PLK4: variants seen among roughly 807,000 people sequenced by gnomAD.
The protein encoded by PLK4 is serine/threonine-protein kinase PLK4.
Under a neutral mutation model 103.0 loss-of-function variants are expected in PLK4, and 51 were observed. The ratio of observed to expected loss-of-function variants is 0.50; its 90% CI spans 0.40 to 0.63. The LOEUF (loss-of-function observed/expected upper bound fraction) is 0.63, where lower values mean the gene tolerates loss of function less well. PLK4 is among the 20% of genes least tolerant of loss of function. The pLI, the probability that PLK4 is intolerant of heterozygous loss-of-function variation, is 0.00. For missense variants in PLK4, 1,054 were observed against 1,151.0 expected (o/e 0.92, Z 1.22); for synonymous variants, 389 against 376.8 (o/e 1.03, Z -0.38).
chr4:127,891,432 C>T, intron 8 of PLK4, 147 bp from the exon 9 acceptor site: 1 of 443,788 alleles, frequency 2.3e-6, no homozygotes. Context: ...AGTTAAAAAG[C>T]AAAAAAATTA....
intron 2 of PLK4, 44 bp from the exon 3 acceptor site, chr4:127,883,218 T>C: frequency 1.0e-6 from 1 of 987,558 alleles, no homozygotes; most frequent in South Asian, 1.4e-5. Context: ...TTTTAAGCAG[T>C]TTATATTTGA....
rs1735141327 is a variant in PLK4 at position 127,886,558 on chromosome 4, G to A, written c.1188G>A (p.Met396Ile). 6.2e-7 allele frequency: 1 copy of A among 1,613,904 alleles called. No individual in the cohort carries two copies. Among genetic ancestry groups the A allele is most frequent in the Non-Finnish European group, 8.5e-7 (1 of 1,179,982 alleles). ...NSQSQAKTYT[M>I]ERCHSAEMLS... ...AGTCTCAAGCAAAAACATATACAAT[G>A]GAACGATGTCACTCAGCAGAAATGC... Residue 396 changes from methionine to isoleucine, a missense_variant, in exon 5 of 16, where the codon ATG becomes ATA. Transcript: ENST00000270861.
intron 8 of PLK4, 69 bp from the exon 9 acceptor site, chr4:127,891,510 C>T (rs938195256): frequency 7.9e-5 from 45 of 568,538 alleles, no homozygotes; most frequent in Non-Finnish European, 1.3e-4. Flanking sequence ...ACTTTGTATA[C>T]GTTTTAGCAA....
At chr4:127,893,669 A>G in intron 12 of PLK4, 65 bp downstream of exon 12, 1 of 1,586,230 alleles carries the variant, frequency 6.3e-7, no homozygotes, top group Non-Finnish European at 8.6e-7. Context: ...TTATATTATA[A>G]ACATTCTTTA....
intron 13 of PLK4, 94 bp from the exon 14 acceptor site, chr4:127,894,859 A>C (rs948860228): frequency 2.6e-6 from 2 of 770,588 alleles, no homozygotes; most frequent in Non-Finnish European, 3.8e-6. Flanking sequence ...AAAAAAATTA[A>C]GCTAATGAAA....
At chr4:127,897,280 T>C (rs1015102173) in intron 15 of PLK4, among the ~76,000 whole-genome samples, 3 of 152,228 alleles carry the variant, frequency 2.0e-5, no homozygotes, top group Non-Finnish European at 4.4e-5. Flanking sequence ...TATAACCTGC[T>C]TATTTTTCCC....
chr4:127,894,290 G>A (rs964374179), intron 13 of PLK4, among the ~76,000 whole-genome samples: 2 of 151,878 alleles, frequency 1.3e-5, no homozygotes, highest in East Asian at 1.9e-4. Context: ...GCAGTGGCAC[G>A]ATCTCGGCTC....
chr4:127,884,575 A>G (rs955208109), intron 4 of PLK4, among the ~76,000 whole-genome samples: 1 of 152,196 alleles, frequency 6.6e-6, no homozygotes, highest in African/African-American at 2.4e-5. Context: ...GGGCTGAGGC[A>G]CGTAGATCAC....
chr4:127,882,106 G>A (rs1377459281), intron 2 of PLK4, among the ~76,000 whole-genome samples, 180 bp downstream of exon 2: 1 of 152,162 alleles, frequency 6.6e-6, no homozygotes, highest in African/African-American at 2.4e-5. Flanking sequence ...TTTTAGGAAA[G>A]CCTTGACCTT....
Position 127,890,151 on chromosome 4 carries a change from A to C in PLK4, c.1745A>C (p.Tyr582Ser), listed in dbSNP as rs764293176. 1.7e-5 allele frequency: 28 copies of C among 1,613,826 alleles called. No homozygotes were observed. Among genetic ancestry groups the C allele is most frequent in the Non-Finnish European group, 2.0e-5 (24 of 1,179,816 alleles). Residue 582 changes from tyrosine (Y) to serine (S), a missense_variant, in exon 7 of 16, where the codon TAT becomes TCT. Physicochemically the swap from Tyr to Ser is moderately radical, Grantham distance 144. Transcript: ENST00000270861. ...KTRGMEPPWG[Y>S]QNRTLRSITS... ...AGGGGTATGGAGCCACCATGGGGTT[A>C]TCAGAATCGTACATTAAGAAGCATT... is the stretch of plus-strand genomic sequence containing the variant.
At chr4:127,897,824 CTTTTTTTTTTTTTTTTTTTTT>C (rs200741150) in intron 15 of PLK4, among the ~76,000 whole-genome samples, 5 of 28,804 alleles carry the variant, frequency 1.7e-4, no homozygotes, top group Admixed American at 7.5e-4. Flanking sequence ...AGAATTAGGG[CTTTTTTTTTTTTTTTTTTTTT>C]TTTTTTTTTT....
Position 127,892,387 on chromosome 4 carries a change from A to C in PLK4, c.2061A>C (p.Gln687His). The C allele has an allele frequency of 6.4e-7, 1 of 1,568,750 alleles. No individual in the cohort carries two copies. Residue 687 changes from glutamine to histidine, a missense_variant, in exon 10 of 16, where the codon CAA becomes CAC. Physicochemically the swap from Gln to His is conservative, Grantham distance 24. This residue lies in a region of PLK4 where 680 missense variants were observed against 660.3 expected (regional missense o/e 1.03). Transcript: ENST00000270861. ...TAGAAAAATACTGGCGAAAATATCA[A>C]TATGCTTCCAGGTTTGTACAGCTTG... ...NLPEKYWRKY[Q>H]YASRFVQLVR... is the part of the protein sequence containing the mutation.
intron 5 of PLK4, 30 bp downstream of exon 5, chr4:127,886,758 T>G: frequency 6.9e-7 from 1 of 1,458,428 alleles, no homozygotes; most frequent in South Asian, 1.3e-5. Context: ...AGGCATTTTG[T>G]TTTTTGGTAA....
chr4:127,885,690 T>C lies in PLK4; in HGVS notation c.338-18T>C. On this transcript the variant is annotated intron_variant, in intron 4 of 15. Coordinates refer to ENST00000270861, the MANE Select transcript of PLK4 (RefSeq NM_014264.5). ...AGAGTTTCTAAATTGTAAATTCTCT[T>C]TTTTAAAATCCTAACAGCTCGACAC... 6.4e-7 allele frequency: 1 copy of C among 1,569,832 alleles called. No individual in the cohort carries two copies. Among genetic ancestry groups the C allele is most frequent in the Non-Finnish European group, 8.6e-7 (1 of 1,160,366 alleles).
At chr4:127,889,814 G>A (rs552568356) in intron 6 of PLK4, 52 bp from the exon 7 acceptor site, 24 of 1,308,076 alleles carry the variant, frequency 1.8e-5, no homozygotes, top group South Asian at 1.7e-4. Context: ...ATTTTGTGTC[G>A]ACTTGTGTTT....
chr4:127,881,294 C>G, intron 1 of PLK4, 130 bp downstream of exon 1: 2 of 1,547,536 alleles, frequency 1.3e-6, no homozygotes, highest in South Asian at 2.4e-5. Context: ...AGGGAGGGTC[C>G]CAACGGCCCA....
At chr4:127,898,084 C>T (rs938256607) in intron 15 of PLK4, among the ~76,000 whole-genome samples, 1 of 151,976 alleles carries the variant, frequency 6.6e-6, no homozygotes, top group Non-Finnish European at 1.5e-5. Flanking sequence ...AATCCACCCC[C>T]CTTGGCCTCC....
Position 127,886,073 on chromosome 4 carries a change from T to G in PLK4, c.703T>G (p.Ser235Ala), listed in dbSNP as rs1424305291. 6.2e-7 allele frequency: 1 copy of G among 1,614,076 alleles called. No homozygotes were observed. The highest frequency in any genetic ancestry group is 8.5e-7 in the Non-Finnish European group (1 of 1,180,012). The change falls in exon 5 of 16, where the codon TCA becomes GCA. Residue 235 changes from serine (S) to alanine (A), a missense_variant. Around this residue, in one of 4 missense-constraint regions of PLK4, gnomAD observed 680 missense variants for 660.3 expected, o/e 1.03. Transcript: ENST00000270861. ...AGATTATGAAATGCCATCTTTTTTGTCAATAGAGGCCAAGGACCTTATTCA... is the reference window on the plus strand; with the variant it reads ...AGATTATGAAATGCCATCTTTTTTGGCAATAGAGGCCAAGGACCTTATTCA... ...LADYEMPSFLSIEAKDLIHQL... is the reference protein window; with the variant it reads ...LADYEMPSFLAIEAKDLIHQL...
In PLK4 at chr4:127,893,391, A is replaced by C; in HGVS notation, c.2295A>C (p.Ile765=). The C allele has an allele frequency of 6.2e-7, 1 of 1,608,768 alleles. No homozygotes were observed. The highest frequency in any genetic ancestry group is 8.5e-7 in the Non-Finnish European group (1 of 1,176,654). The change falls in exon 11 of 16, where the codon ATA becomes ATC. Residue 765 remains isoleucine, a synonymous_variant. Coordinates refer to ENST00000270861, the MANE Select transcript of PLK4 (RefSeq NM_014264.5). ...AAGTTAATAGCTTGAAAGAGGAGAT[A>C]AAAATGTATATGGACCATGCTAATG... ...ESEVNSLKEE[I]KMYMDHANEG...
Sources: gnomAD v4.1 joint callset for allele counts (sites outside exome capture counted in the v4.1 genomes callset) on GRCh38, gnomAD v4.1.1 for gene constraint, gnomAD v4.1.1 regional missense constraint, MANE v1.5 for transcripts, NCBI Gene and HGNC (gene_info 2026-07-23, HGNC 2026-07-21) for gene names.